MYH10: variants seen among roughly 807,000 people sequenced by gnomAD.
MYH10 encodes myosin-10.
In MYH10, 55 loss-of-function variants were observed where a neutral mutation model predicts 257.8. That is an observed-to-expected ratio of 0.21 (90% CI 0.17 to 0.27). The LOEUF is 0.27. MYH10 is among the 10% of genes least tolerant of loss of function. The pLI is 1.00. For synonymous variants in MYH10, 854 were observed against 921.7 expected (o/e 0.93, Z 1.33); for missense variants, 1,631 against 2,500.6 (o/e 0.65, Z 7.42).
chr17:8,565,394 G>A (rs1022234645), intron 7 of MYH10, among the ~76,000 whole-genome samples: 15 of 152,020 alleles, frequency 9.9e-5, no homozygotes, highest in Non-Finnish European at 1.8e-4. Context: ...TTTAATCAAT[G>A]GACCTAATTA....
intron 6 of MYH10, among the ~76,000 whole-genome samples, chr17:8,570,288 T>C (rs2083292856): frequency 6.6e-6 from 1 of 152,184 alleles, no homozygotes. Flanking sequence ...ACTATCTCTA[T>C]CATATAGACA....
At chr17:8,563,904 AAAAGAG>A (rs1378372001) in intron 7 of MYH10, among the ~76,000 whole-genome samples, 1 of 152,000 alleles carries the variant, frequency 6.6e-6, no homozygotes, top group South Asian at 2.1e-4. Context: ...AAAAAAAAAA[AAAAGAG>A]AGAGAGAAAG....
rs10664342 is a variant in MYH10, at chr17:8,595,425, C to CTTTTTTTTT, written c.503-6326_503-6318dup. Among the ~76,000 whole-genome samples the CTTTTTTTTT allele has an allele frequency of 2.4e-4, 20 of 84,184 alleles. 1 individual carries two copies. Among genetic ancestry groups the CTTTTTTTTT allele is most frequent in the African/African-American group, 3.5e-4 (6 of 17,132 alleles). 55.2% of individuals were successfully genotyped at this position (84,184 alleles called of 152,430 possible). ...TGCTGTCTCCCCAGTAAGAACAGTT[C>CTTTTTTTTT]TTTTTTTTTTTTTTTTTTTTTTTTG... On this transcript the variant is annotated intron_variant, in intron 3 of 42. Coordinates refer to ENST00000360416, the MANE Select transcript of MYH10 (RefSeq NM_001256012.3).
chr17:8,477,167 A>G lies in MYH10; in HGVS notation c.5707-119T>C. The G allele has an allele frequency of 9.3e-7, 1 of 1,071,976 alleles. No individual in the cohort carries two copies. The highest frequency in any genetic ancestry group is 1.3e-6 in the Non-Finnish European group (1 of 752,294). The allele number at this position is 1,071,976 out of a possible 1,614,324, so 66.4% of individuals were successfully genotyped here. A position where few individuals can be genotyped will look rare whatever the true frequency, so the allele number is the denominator to read the frequency against. On this transcript the variant is annotated intron_variant, in intron 41 of 42. Transcript: ENST00000360416. This position sits in a 1 kb window ranked among gnomAD's most constrained non-coding sequence, Gnocchi z 4.2. ...GTTACCCTTGTGAGCACGCGTGTACACGGATGTACACGCGTGCCTGGGGGC... is the reference window on the plus strand; with the variant it reads ...GTTACCCTTGTGAGCACGCGTGTACGCGGATGTACACGCGTGCCTGGGGGC...
chr17:8,607,215 C>T (rs2084846116), intron 2 of MYH10, among the ~76,000 whole-genome samples: 1 of 152,146 alleles, frequency 6.6e-6, no homozygotes, highest in Admixed American at 6.5e-5. Context: ...ACAGATTATA[C>T]TCTTCAATTT....
chr17:8,520,054 C>T (rs1261788256), intron 19 of MYH10, among the ~76,000 whole-genome samples: 1 of 151,600 alleles, frequency 6.6e-6, no homozygotes, highest in Non-Finnish European at 1.5e-5. Flanking sequence ...CATACACATA[C>T]ACACACACAT....
intron 4 of MYH10, among the ~76,000 whole-genome samples, chr17:8,577,592 C>T (rs1425015755): frequency 6.6e-6 from 1 of 152,116 alleles, no homozygotes; most frequent in Non-Finnish European, 1.5e-5. Context: ...AGTGCAGTGG[C>T]GCGATCTTGG....
At position 8,490,105 on chromosome 17, in the gene MYH10, C is replaced by T. The variant is rs1338204040; in HGVS notation, c.4884+235G>A. 9.2e-6 allele frequency: 4 copies of T among 433,464 alleles called. No individual in the cohort carries two copies. In the Admixed American group the frequency reaches 1.1e-4, roughly 12 times the overall value. The allele number at this position is 433,464 out of a possible 1,614,324, so 26.9% of individuals were successfully genotyped here. The stretch of plus-strand genomic sequence containing the variant: ...TGGGAGTCCACTGAGGGCTTTCTGA[C>T]TGATAAGTGTCTGGCTTGTAGGCAG... On this transcript the variant is annotated intron_variant, in intron 35 of 42. Coordinates refer to ENST00000360416, the MANE Select transcript of MYH10 (RefSeq NM_001256012.3). The surrounding 1 kb of genome is among the most constrained non-coding windows in gnomAD (Gnocchi z 4.1).
chr17:8,509,259 G>A (rs1198255037), intron 25 of MYH10, among the ~76,000 whole-genome samples: 1 of 152,234 alleles, frequency 6.6e-6, no homozygotes, highest in East Asian at 1.9e-4. Context: ...TGCTGTACAA[G>A]TGTGTGGCCT....
chr17:8,604,175 A>G (rs185695770), intron 3 of MYH10, among the ~76,000 whole-genome samples: 83 of 152,284 alleles, frequency 5.5e-4, no homozygotes, highest in African/African-American at 1.9e-3. Flanking sequence ...GAGTTATTAC[A>G]GAAGATTGGG....
At chr17:8,548,827 C>CATGAAGA in intron 9 of MYH10, 40 bp from the exon 10 acceptor site, 1 of 1,549,234 alleles carries the variant, frequency 6.5e-7, no homozygotes, top group Non-Finnish European at 8.9e-7. Flanking sequence ...GATAAATACT[C>CATGAAGA]ATGAAGACAA....
chr17:8,587,621 C>T (rs896948272), intron 4 of MYH10, among the ~76,000 whole-genome samples: 2 of 152,102 alleles, frequency 1.3e-5, no homozygotes, highest in Non-Finnish European at 2.9e-5. Context: ...CCCAGACACC[C>T]AACCCCTGTG....
At chr17:8,626,048 CAT>C (rs1402605665) in intron 1 of MYH10, among the ~76,000 whole-genome samples, 1 of 152,190 alleles carries the variant, frequency 6.6e-6, no homozygotes, top group Admixed American at 6.5e-5. Flanking sequence ...AATCACACAA[CAT>C]GTGATTAATG....
Position 8,535,506 on chromosome 17 carries a change from C to T in MYH10, c.1780-5G>A, listed in dbSNP as rs753504499. The T allele has an allele frequency of 1.3e-5, 20 of 1,597,172 alleles. No individual in the cohort carries two copies. Among genetic ancestry groups the T allele is most frequent in the Middle Eastern group, 1.7e-4 (1 of 6,012 alleles). ...CTCATCTGCCTTATAGTCCACCTATCCCGCACCAAAGCCAAAAGTGGTGAA... is the reference window on the plus strand; with the variant it reads ...CTCATCTGCCTTATAGTCCACCTATTCCGCACCAAAGCCAAAAGTGGTGAA... On this transcript the variant is annotated splice_polypyrimidine_tract_variant and splice_region_variant and intron_variant, in intron 15 of 42. Transcript: ENST00000360416. This position sits in a 1 kb window ranked among gnomAD's most constrained non-coding sequence, Gnocchi z 4.3.
chr17:8,601,606 C>G (rs1475759434), intron 3 of MYH10, among the ~76,000 whole-genome samples: 1 of 152,128 alleles, frequency 6.6e-6, no homozygotes, highest in Non-Finnish European at 1.5e-5. Context: ...TCTTTTTGGT[C>G]TCCATTCTAG....
Position 8,504,491 on chromosome 17 carries a change from G to C in MYH10, c.3599+203C>G, listed in dbSNP as rs1288995882. Among the ~76,000 whole-genome samples, 2 of 152,170 alleles carry C rather than the reference G, an allele frequency of 1.3e-5. No individual in the cohort carries two copies. The highest frequency in any genetic ancestry group is 1.3e-4 in the Admixed American group (2 of 15,286). On this transcript the variant is annotated intron_variant, in intron 28 of 42. Transcript: ENST00000360416. This position sits in a 1 kb window ranked among gnomAD's most constrained non-coding sequence, Gnocchi z 5.6. ...CTCCCTCTGTGTCCCTCAGTCTGCT[G>C]GTTTACCCACCCACCCCTGCACAGG...
intron 17 of MYH10, among the ~76,000 whole-genome samples, chr17:8,523,515 G>T (rs796993240): frequency 6.6e-6 from 1 of 152,140 alleles, no homozygotes; most frequent in Admixed American, 6.5e-5. Context: ...CACTCCAGTC[G>T]GTGCAATCAG....
chr17:8,583,576 G>T (rs1378622751), intron 4 of MYH10, among the ~76,000 whole-genome samples: 3 of 152,168 alleles, frequency 2.0e-5, no homozygotes, highest in African/African-American at 4.8e-5. Context: ...GCTGGGAGAA[G>T]AAAGAACACC....
At chr17:8,595,006 T>C (rs953386343) in intron 3 of MYH10, among the ~76,000 whole-genome samples, 1 of 152,166 alleles carries the variant, frequency 6.6e-6, no homozygotes, top group Non-Finnish European at 1.5e-5. Flanking sequence ...TGCCAAAAAC[T>C]GAAAACAATC....
Sources: gnomAD v4.1 joint callset for allele counts (sites outside exome capture counted in the v4.1 genomes callset) on GRCh38, gnomAD v4.1.1 for gene constraint, Gnocchi (gnomAD v3.1) non-coding constraint, MANE v1.5 for transcripts, NCBI Gene and HGNC (gene_info 2026-07-23, HGNC 2026-07-21) for gene names.